Variants in PLEKHG1 observed in about 807,000 individuals in gnomAD.
The protein encoded by PLEKHG1 is pleckstrin homology domain-containing family G member 1.
Under a neutral mutation model 100.8 loss-of-function variants are expected in PLEKHG1, and 44 were observed. The observed-to-expected ratio is 0.44, with a 90% CI of 0.34 to 0.56. The LOEUF (loss-of-function observed/expected upper bound fraction) is 0.56, where lower values mean the gene tolerates loss of function less well. Ranked by LOEUF, PLEKHG1 falls within the 20% of genes least tolerant of loss-of-function variation. The probability of loss-of-function intolerance (pLI) is 0.01; values close to 1 mark genes in which losing one functional copy is unlikely to be tolerated. For synonymous variants in PLEKHG1, 640 were observed against 662.5 expected (o/e 0.97, Z 0.52); for missense variants, 1,545 against 1,720.9 (o/e 0.90, Z 1.81).
At chr6:150,644,332 G>GTTTTTTTTTTTTT (rs1582872144) in intron 2 of PLEKHG1, among the ~76,000 whole-genome samples, 1 of 96,564 alleles carries the variant, frequency 1.0e-5, no homozygotes, top group East Asian at 2.8e-4. Context: ...TTTTCTTTTC[G>GTTTTTTTTTTTTT]TGTTTTTTTT....
Position 150,600,307 on chromosome 6 carries a change from C to T in PLEKHG1, c.-204+290C>T, listed in dbSNP as rs576191771. 6.6e-6 allele frequency among the ~76,000 whole-genome samples: 1 copy of T among 151,716 alleles called. No homozygotes were observed. The highest frequency in any genetic ancestry group is 2.1e-4 in the South Asian group (1 of 4,808). ...GGGTCGGGGATGCTGCCCGCCGCCG[C>T]CCCGCTTGGGGTTCCGCGCCCCCAA... On this transcript the variant is annotated intron_variant, in intron 1 of 3. Coordinates refer to the PLEKHG1 transcript ENST00000367326. The surrounding 1 kb of genome is among the most constrained non-coding windows in gnomAD (Gnocchi z 6.2).
At chr6:150,746,827 A>G (rs1171006436) in intron 2 of PLEKHG1, among the ~76,000 whole-genome samples, 1 of 152,232 alleles carries the variant, frequency 6.6e-6, no homozygotes, top group Non-Finnish European at 1.5e-5. Context: ...AGACAGTGTA[A>G]TGGGAGGGAA....
chr6:150,623,326 G>T (rs1777383081), intron 1 of PLEKHG1, among the ~76,000 whole-genome samples: 1 of 152,150 alleles, frequency 6.6e-6, no homozygotes, highest in South Asian at 2.1e-4. Context: ...TGAGAGCTTG[G>T]CTGTTGGGTT....
rs1357594716 is a variant in PLEKHG1 at position 150,804,189 on chromosome 6, TTTTTTTTTTTTTTTC to T, written c.781-420_781-406del. On this transcript the variant is annotated intron_variant, in intron 6 of 15. Transcript: ENST00000358517. Reference sequence around the variant, plus strand: ...TATATATATATATTTTTTTTTTTTTTTTTTTTTTTTTTTTCGAGGCAGAGTCTCACTCTGTCAGCC... The same window carrying T: ...TATATATATATATTTTTTTTTTTTTTGAGGCAGAGTCTCACTCTGTCAGCC... Among the ~76,000 whole-genome samples the T allele has an allele frequency of 2.3e-4, 17 of 74,840 alleles. 1 individual carries two copies. The highest frequency in any genetic ancestry group is 1.1e-3 in the African/African-American group (17 of 15,116). The allele number at this position is 74,840 out of a possible 152,430, so 49.1% of individuals were successfully genotyped here.
At position 150,634,108 on chromosome 6, in the gene PLEKHG1, GT is replaced by G. The variant is rs746216880; in HGVS notation, c.-203-3971del. On this transcript the variant is annotated intron_variant, in intron 1 of 3. Transcript: ENST00000367326. Reference sequence around the variant, plus strand: ...AACAACAAAAAAAAATCCGGGCGTGGTGGCAGGTGCCTGTAATCCCAGCTAC... The same window carrying G: ...AACAACAAAAAAAAATCCGGGCGTGGGGCAGGTGCCTGTAATCCCAGCTAC... 4.8e-4 allele frequency among the ~76,000 whole-genome samples: 73 copies of G among 152,088 alleles called. 1 individual carries two copies. The highest frequency in any genetic ancestry group is 2.2e-3 in the Admixed American group (34 of 15,286).
chr6:150,768,425 A>G (rs972611023), intron 2 of PLEKHG1, among the ~76,000 whole-genome samples: 2 of 152,222 alleles, frequency 1.3e-5, no homozygotes, highest in Admixed American at 6.5e-5. Context: ...GACAGAATGT[A>G]TACCACACTC....
At chr6:150,785,033 T>TAA (rs35123545) in intron 3 of PLEKHG1, among the ~76,000 whole-genome samples, 32,446 of 136,082 alleles carry the variant, frequency 0.24, 4,127 homozygotes, top group East Asian at 0.4. Context: ...TCTCTAAAAT[T>TAA]AAAAAAAAAA....
At chr6:150,755,336 A>G (rs1479877013) in intron 2 of PLEKHG1, among the ~76,000 whole-genome samples, 3 of 152,172 alleles carry the variant, frequency 2.0e-5, no homozygotes, top group African/African-American at 4.8e-5. Flanking sequence ...CTCTCTGCCA[A>G]CGTTGATGGT....
chr6:150,720,413 C>T (rs1781617146), upstream of PLEKHG1, among the ~76,000 whole-genome samples: 1 of 152,110 alleles, frequency 6.6e-6, no homozygotes, highest in Non-Finnish European at 1.5e-5. Flanking sequence ...AATATATAAT[C>T]ACAGAACTTA....
At chr6:150,726,990 A>G (rs1211332501) in intron 1 of PLEKHG1, among the ~76,000 whole-genome samples, 1 of 152,226 alleles carries the variant, frequency 6.6e-6, no homozygotes, top group East Asian at 1.9e-4. Flanking sequence ...ACTGCGCTGT[A>G]TATTAAACGA....
At chr6:150,838,388 A>T (rs1282895850) in intron 15 of PLEKHG1, among the ~76,000 whole-genome samples, 1 of 152,032 alleles carries the variant, frequency 6.6e-6, no homozygotes, top group Non-Finnish European at 1.5e-5. Flanking sequence ...TTCTTAAAAC[A>T]TTAAGGGTTT....
At chr6:150,644,651 C>A (rs1314617670) in intron 2 of PLEKHG1, among the ~76,000 whole-genome samples, 1 of 151,958 alleles carries the variant, frequency 6.6e-6, no homozygotes, top group African/African-American at 2.4e-5. Flanking sequence ...TTGTATTCTT[C>A]TTATTTTTAC....
rs112290947 is a variant in PLEKHG1 at position 150,715,500 on chromosome 6, T to C, written c.-98-18084T>C. Among the ~76,000 whole-genome samples the C allele has an allele frequency of 3.8e-3, 575 of 150,808 alleles. 4 individuals carry two copies. Among genetic ancestry groups the C allele is most frequent in the African/African-American group, 0.013 (549 of 41,216 alleles). On this transcript the variant is annotated intron_variant, in intron 3 of 3. Coordinates refer to the PLEKHG1 transcript ENST00000367326. ...ATTTTTTTTCTTTTTCTTTTTTTTT[T>C]TTTTTGAGACGGAATCTTGCTCTGT...
chr6:150,764,117 C>CTTTTTTT (rs67507838), intron 2 of PLEKHG1, among the ~76,000 whole-genome samples: 2 of 145,718 alleles, frequency 1.4e-5, no homozygotes, highest in Non-Finnish European at 1.5e-5. Context: ...TTTTCTTTTT[C>CTTTTTTT]TTTTTCTTTT....
At chr6:150,787,324 CA>C (rs941423626) in intron 4 of PLEKHG1, among the ~76,000 whole-genome samples, 1 of 152,184 alleles carries the variant, frequency 6.6e-6, no homozygotes, top group African/African-American at 2.4e-5. Context: ...GCTTAAATGA[CA>C]GTGAGCTCGT....
At chr6:150,821,500 A>G (rs910702007) in intron 13 of PLEKHG1, among the ~76,000 whole-genome samples, 1 of 152,086 alleles carries the variant, frequency 6.6e-6, no homozygotes, top group Admixed American at 6.5e-5. Context: ...CCTGGCCAAC[A>G]TGGTGAAACC....
chr6:150,636,559 C>T (rs759419119), intron 1 of PLEKHG1, among the ~76,000 whole-genome samples: 2 of 151,942 alleles, frequency 1.3e-5, no homozygotes, highest in Non-Finnish European at 2.9e-5. Context: ...AGAGTACAGA[C>T]ATGGCCCCTG....
rs184358885 is a variant in PLEKHG1, at chr6:150,617,060, G to T, written c.-204+17043G>T. Among the ~76,000 whole-genome samples, 147 of 152,338 alleles carry T rather than the reference G, an allele frequency of 9.6e-4. No individual in the cohort carries two copies. The East Asian group carries it at 0.022, about 23-fold the overall frequency. On this transcript the variant is annotated intron_variant, in intron 1 of 3. Transcript: ENST00000367326. Reference sequence around the variant, plus strand: ...TGAAGAAGTGCAATTAATGTAAGTTGTATATTTTCAGATATTTAAATTCTG... The same window carrying T: ...TGAAGAAGTGCAATTAATGTAAGTTTTATATTTTCAGATATTTAAATTCTG...
At chr6:150,786,486 A>G in intron 4 of PLEKHG1, 27 bp downstream of exon 5, 1 of 1,449,038 alleles carries the variant, frequency 6.9e-7, no homozygotes, top group Non-Finnish European at 9.7e-7. Flanking sequence ...CTTCTGGGCC[A>G]ACTGAGACAG....
Sources: allele counts gnomAD v4.1 joint callset (sites outside exome capture counted in the v4.1 genomes callset), GRCh38; gene constraint gnomAD v4.1.1; non-coding constraint Gnocchi (gnomAD v3.1); transcripts MANE v1.5; gene names NCBI Gene and HGNC (gene_info 2026-07-23, HGNC 2026-07-21).